Variants in C1orf146 observed in about 807,000 individuals in gnomAD.
C1orf146 encodes protein SPO16 homolog.
In C1orf146, 22 loss-of-function variants were observed where a neutral mutation model predicts 23.0. The ratio of observed to expected loss-of-function variants is 0.96; its 90% confidence interval spans 0.68 to 1.36. The LOEUF is 1.36. Among genes scored for constraint, C1orf146 ranks in the 40% most tolerant of loss-of-function variants. The pLI is 0.00. For synonymous variants in C1orf146, 59 were observed against 65.3 expected (o/e 0.90, Z 0.47); for missense variants, 199 against 206.8 (o/e 0.96, Z 0.23).
At chr1:92,224,090 G>T (rs184351870) in intron 1 of C1orf146, among the ~76,000 whole-genome samples, 5 of 147,954 alleles carry the variant, frequency 3.4e-5, no homozygotes, top group Non-Finnish European at 5.9e-5. Flanking sequence ...TTGCTCTGTC[G>T]CCCAGGCTGG....
At chr1:92,222,900 C>G (rs894729545) in intron 1 of C1orf146, among the ~76,000 whole-genome samples, 11 of 151,966 alleles carry the variant, frequency 7.2e-5, no homozygotes, top group African/African-American at 2.7e-4. Context: ...GTTTGTATTT[C>G]TTATATAAAA....
intron 2 of C1orf146, among the ~76,000 whole-genome samples, chr1:92,233,736 C>T (rs1409351394): frequency 6.6e-6 from 1 of 152,132 alleles, no homozygotes; most frequent in Non-Finnish European, 1.5e-5. Flanking sequence ...TTCTTCCTAC[C>T]CATGAGCATG....
At chr1:92,245,473 T>C in intron 5 of C1orf146, 67 bp from the exon 6 acceptor site, 1 of 1,289,676 alleles carries the variant, frequency 7.8e-7, no homozygotes, top group Non-Finnish European at 1.1e-6. Flanking sequence ...TCAGGTATTT[T>C]TAAATGTGAC....
chr1:92,244,279 G>T lies in C1orf146; in HGVS notation c.223G>T (p.Ala75Ser). 2 of 1,609,808 alleles carry T rather than the reference G, an allele frequency of 1.2e-6. No individual in the cohort carries two copies. Among genetic ancestry groups the T allele is most frequent in the East Asian group, 2.2e-5 (1 of 44,806 alleles). Residue 75 changes from alanine to serine, a missense_variant, in exon 4 of 6, where the codon GCC (alanine) becomes TCC (serine). Transcript: ENST00000370375. ...CLLSTEEIFL[A>S]KIEKFINIHQ... ...TCTGTCAACTGAAGAAATATTTCTA[G>T]CCAAAATTGAGAAATTTATTAACAT... is the stretch of plus-strand genomic sequence containing the variant.
chr1:92,234,763 C>T (rs1293904298), intron 2 of C1orf146, among the ~76,000 whole-genome samples: 1 of 152,186 alleles, frequency 6.6e-6, no homozygotes, highest in African/African-American at 2.4e-5. Flanking sequence ...GGTTGGTAAG[C>T]TATGGATTAT....
At position 92,244,235 on chromosome 1, in the gene C1orf146, T is replaced by TG; in HGVS notation, c.181dup (p.Asp61GlyfsTer3). The TG allele has an allele frequency of 6.3e-7, 1 of 1,592,292 alleles. No homozygotes were observed. Among genetic ancestry groups the TG allele is most frequent in the East Asian group, 2.2e-5 (1 of 44,708 alleles). ...TTCCTAGGAGTTGCATTTTTATTAA[T>TG]GGATACTAAGGAATGTCTTCTGTCA... On this transcript the variant is annotated frameshift_variant, in exon 4 of 6. Coordinates refer to ENST00000370375, the MANE Select transcript of C1orf146 (RefSeq NM_001012425.2). LOFTEE classifies it high-confidence loss of function.
chr1:92,221,785 C>A (rs904746586), intron 1 of C1orf146, among the ~76,000 whole-genome samples: 1 of 152,168 alleles, frequency 6.6e-6, no homozygotes, highest in African/African-American at 2.4e-5. Context: ...AAGCAATTGG[C>A]ATTGGAGTAG....
intron 2 of C1orf146, among the ~76,000 whole-genome samples, chr1:92,236,982 G>C (rs1421798464): frequency 6.6e-6 from 1 of 152,050 alleles, no homozygotes; most frequent in Non-Finnish European, 1.5e-5. Context: ...GCACTTCTCT[G>C]TATTGTTTAT....
At chr1:92,233,699 G>A (rs1652193364) in intron 2 of C1orf146, among the ~76,000 whole-genome samples, 1 of 152,142 alleles carries the variant, frequency 6.6e-6, no homozygotes, top group South Asian at 2.1e-4. Context: ...ATTACCTTGG[G>A]CAGTATGGCC....
At chr1:92,229,846 A>T (rs1260261956) in intron 1 of C1orf146, among the ~76,000 whole-genome samples, 1 of 152,194 alleles carries the variant, frequency 6.6e-6, no homozygotes, top group African/African-American at 2.4e-5. Flanking sequence ...AAAAAGTAAT[A>T]GGAAAATGGG....
intron 2 of C1orf146, among the ~76,000 whole-genome samples, chr1:92,238,744 A>G (rs1570796672): frequency 6.6e-6 from 1 of 152,210 alleles, no homozygotes; most frequent in African/African-American, 2.4e-5. Context: ...CATTGTACCC[A>G]AATTAGCTGA....
At chr1:92,239,201 A>T (rs1652371070) in intron 2 of C1orf146, among the ~76,000 whole-genome samples, 1 of 152,110 alleles carries the variant, frequency 6.6e-6, no homozygotes, top group Non-Finnish European at 1.5e-5. Context: ...TGTGTATTTG[A>T]TAGATTCACT....
In C1orf146 at chr1:92,229,729, G is replaced by C. The variant is rs183915273; in HGVS notation, c.-39-1653G>C. Among the ~76,000 whole-genome samples, 8 of 152,234 alleles carry C rather than the reference G, an allele frequency of 5.3e-5. No individual in the cohort carries two copies. The South Asian group carries it at 1.2e-3, about 24-fold the overall frequency. ...TGTATCAAGAATTACCCTAAAGAAGGGGGGGTGGCACAGAAGACAAGTCAC... is the reference window on the plus strand; with the variant it reads ...TGTATCAAGAATTACCCTAAAGAAGCGGGGGTGGCACAGAAGACAAGTCAC... On this transcript the variant is annotated intron_variant, in intron 1 of 5. Transcript: ENST00000370375.
intron 1 of C1orf146, among the ~76,000 whole-genome samples, chr1:92,230,135 C>T (rs1652077124): frequency 6.6e-6 from 1 of 152,042 alleles, no homozygotes; most frequent in African/African-American, 2.4e-5. Flanking sequence ...GGTCCCCAGA[C>T]CAGTATCATC....
chr1:92,228,382 T>C (rs772423284), intron 1 of C1orf146, among the ~76,000 whole-genome samples: 3 of 152,230 alleles, frequency 2.0e-5, no homozygotes, highest in Non-Finnish European at 2.9e-5. Context: ...TGGTTTTCAG[T>C]CTGTTCTTAA....
chr1:92,224,224 G>A (rs1238884251), intron 1 of C1orf146, among the ~76,000 whole-genome samples: 1 of 151,308 alleles, frequency 6.6e-6, no homozygotes, highest in Non-Finnish European at 1.5e-5. Flanking sequence ...CTAATTTTTT[G>A]TATTTTTAGT....
At chr1:92,233,695 T>C (rs1652193120) in intron 2 of C1orf146, among the ~76,000 whole-genome samples, 1 of 152,196 alleles carries the variant, frequency 6.6e-6, no homozygotes, top group Non-Finnish European at 1.5e-5. Flanking sequence ...ATAAATTACC[T>C]TGGGCAGTAT....
At chr1:92,222,735 T>C (rs535923378) in intron 1 of C1orf146, among the ~76,000 whole-genome samples, 94 of 151,558 alleles carry the variant, frequency 6.2e-4, no homozygotes, top group East Asian at 3.5e-3. Context: ...TACAGGCGCC[T>C]GCCACCACGC....
intron 1 of C1orf146, among the ~76,000 whole-genome samples, chr1:92,218,408 G>A (rs1268100691): frequency 6.6e-6 from 1 of 152,092 alleles, no homozygotes; most frequent in African/African-American, 2.4e-5. Flanking sequence ...AAAGTGACTT[G>A]CTGGAGATGA....
Sources: gnomAD v4.1 joint callset for allele counts (sites outside exome capture counted in the v4.1 genomes callset) on GRCh38, gnomAD v4.1.1 for gene constraint, MANE v1.5 for transcripts, NCBI Gene and HGNC (gene_info 2026-07-23, HGNC 2026-07-21) for gene names.